Variants in COL6A6 observed in about 807,000 individuals in gnomAD.
COL6A6 encodes the protein collagen type VI alpha 6 chain, also known as collagen alpha-6(VI) chain.
A neutral mutation model predicts 208.6 loss-of-function variants in COL6A6; 183 were observed. That is an observed-to-expected ratio of 0.88 (90% CI 0.78 to 0.99). The LOEUF (loss-of-function observed/expected upper bound fraction) is 0.99, where lower values mean the gene tolerates loss of function less well. Among genes scored for constraint, COL6A6 ranks in the 50% least tolerant of loss-of-function variants. The pLI is 0.00. For missense variants in COL6A6, 2,816 were observed against 2,815.2 expected (o/e 1.00, Z -0.01); for synonymous variants, 973 against 1,011.8 (o/e 0.96, Z 0.73).
chr3:130,664,514 A>T (rs1472893736), intron 35 of COL6A6, among the ~76,000 whole-genome samples: 1 of 152,238 alleles, frequency 6.6e-6, no homozygotes, highest in Non-Finnish European at 1.5e-5. Flanking sequence ...GGCATGCTTC[A>T]TTGTTATGAA....
chr3:130,543,385 T>C (rs981264986), intron 1 of COL6A6, among the ~76,000 whole-genome samples: 2 of 152,264 alleles, frequency 1.3e-5, no homozygotes, highest in African/African-American at 4.8e-5. Flanking sequence ...TTGTTACTTG[T>C]TTCTATTCGA....
chr3:130,570,116 C>T (rs2063125055), intron 6 of COL6A6, among the ~76,000 whole-genome samples: 1 of 152,216 alleles, frequency 6.6e-6, no homozygotes, highest in Admixed American at 6.5e-5. Flanking sequence ...AGGGAACATG[C>T]TCCACATGGA....
Position 130,643,008 on chromosome 3 carries a change from G to A in COL6A6, c.5212G>A (p.Val1738Met). ...SFSTCELIQY[V>M]RDRSPGRHGK... ...GCAGACATGTGAGCTCATTCAGTAT[G>A]TGCGAGACCGCAGTCGTAAGTACCC... is the stretch of plus-strand genomic sequence containing the variant. The change falls in exon 31 of 37, where the codon GTG (valine) becomes ATG (methionine). Residue 1738 changes from valine (V) to methionine (M), a missense_variant. Val to Met is a conservative substitution (Grantham distance 21). Coordinates refer to ENST00000358511, the MANE Select transcript of COL6A6 (RefSeq NM_001102608.3). The A allele has an allele frequency of 1.2e-6, 2 of 1,613,812 alleles. No homozygotes were observed. Among genetic ancestry groups the A allele is most frequent in the African/African-American group, 2.7e-5 (2 of 75,062 alleles).
At position 130,634,215 on chromosome 3, in the gene COL6A6, AAAT is replaced by A. The variant is rs1559769476; in HGVS notation, c.4993-372_4993-370del. On this transcript the variant is annotated intron_variant, in intron 26 of 36. Coordinates refer to ENST00000358511, the MANE Select transcript of COL6A6 (RefSeq NM_001102608.3). ...GCTATAAAATGTTAAAAAAAAAAATAAATAAATAAATAAATAAATAAATAAATA... is the reference window on the plus strand; with the variant it reads ...GCTATAAAATGTTAAAAAAAAAAATAAAATAAATAAATAAATAAATAAATA... 3.0e-4 allele frequency among the ~76,000 whole-genome samples: 37 copies of A among 122,106 alleles called. No individual in the cohort carries two copies. In the East Asian group the frequency reaches 6.7e-3, roughly 22 times the overall value. The allele number at this position is 122,106 out of a possible 152,430, so 80.1% of individuals were successfully genotyped here.
rs2065852614 is a variant in COL6A6 at position 130,658,411 on chromosome 3, A to G, written c.5734-265A>G. Among the ~76,000 whole-genome samples, 4 of 152,346 alleles carry G rather than the reference A, an allele frequency of 2.6e-5. No homozygotes were observed. The South Asian group carries it at 8.3e-4, about 32-fold the overall frequency. On this transcript the variant is annotated intron_variant, in intron 33 of 36. Coordinates refer to ENST00000358511, the MANE Select transcript of COL6A6 (RefSeq NM_001102608.3). ...CGCTTTACAAATATGAACCCATTTAATGCTCACAGTAGTCCTGTTAGGAGG... is the reference window on the plus strand; with the variant it reads ...CGCTTTACAAATATGAACCCATTTAGTGCTCACAGTAGTCCTGTTAGGAGG...
chr3:130,537,906 C>T (rs1300761666), intron 1 of COL6A6, among the ~76,000 whole-genome samples: 7 of 152,216 alleles, frequency 4.6e-5, no homozygotes, highest in African/African-American at 1.7e-4. Context: ...TCTATTCAGA[C>T]TTAATGGGAT....
intron 17 of COL6A6, among the ~76,000 whole-genome samples, chr3:130,594,023 T>C (rs1273166900): frequency 6.6e-6 from 1 of 152,150 alleles, no homozygotes; most frequent in Non-Finnish European, 1.5e-5. Flanking sequence ...ACCTGGTTCA[T>C]AGAATATTTG....
At chr3:130,652,565 C>G (rs1420872307) in intron 33 of COL6A6, among the ~76,000 whole-genome samples, 1 of 152,190 alleles carries the variant, frequency 6.6e-6, no homozygotes, top group African/African-American at 2.4e-5. Flanking sequence ...AAGGCCCACC[C>G]TGACGCTGGA....
At chr3:130,567,949 T>G in intron 5 of COL6A6, 98 bp from the exon 6 acceptor site, 1 of 792,162 alleles carries the variant, frequency 1.3e-6, no homozygotes, top group African/African-American at 1.7e-5. Flanking sequence ...TAAGTACACA[T>G]GTCAATATAA....
chr3:130,536,782 G>C (rs1559961267), intron 1 of COL6A6, among the ~76,000 whole-genome samples: 1 of 152,262 alleles, frequency 6.6e-6, no homozygotes, highest in Non-Finnish European at 1.5e-5. Flanking sequence ...CATGGAAAGG[G>C]GTTTTGAGTA....
intron 13 of COL6A6, among the ~76,000 whole-genome samples, 169 bp from the exon 14 acceptor site, chr3:130,592,372 A>G (rs527754482): frequency 2.0e-5 from 3 of 152,362 alleles, no homozygotes; most frequent in Admixed American, 6.5e-5. Flanking sequence ...GCTGTCTATC[A>G]TCAGGGTATC....
At position 130,563,325 on chromosome 3, in the gene COL6A6, GGAAA is replaced by G; in HGVS notation, c.324_327del (p.Lys109LeufsTer26). ...ATTCATTGGCGGGTCCCTGCAGATA[GGAAA>G]GGCTCTTCAGGAGGCTCACAGGACT... is the stretch of plus-strand genomic sequence containing the variant. On this transcript the variant is annotated frameshift_variant, in exon 3 of 37. Transcript: ENST00000358511. LOFTEE classifies it high-confidence loss of function. The G allele has an allele frequency of 6.2e-7, 1 of 1,613,968 alleles. No individual in the cohort carries two copies. Among genetic ancestry groups the G allele is most frequent in the African/African-American group, 1.3e-5 (1 of 75,038 alleles).
intron 1 of COL6A6, among the ~76,000 whole-genome samples, chr3:130,529,614 G>A (rs2062037272): frequency 1.3e-5 from 2 of 152,106 alleles, no homozygotes; most frequent in South Asian, 2.1e-4. Flanking sequence ...ACAATCACCT[G>A]TTTAATTTCT....
chr3:130,599,783 C>G lies in COL6A6; in HGVS notation c.4626C>G (p.Pro1542=), dbSNP rs373427238. The G allele has an allele frequency of 6.8e-6, 11 of 1,613,638 alleles. No homozygotes were observed. The South Asian group carries it at 1.1e-4, about 16-fold the overall frequency. ...RQGRRGWPGP[P]GTPGSRRKTA... The stretch of plus-strand genomic sequence containing the variant: ...GCAGAAGAGGCTGGCCAGGCCCCCC[C>G]GGGACACCAGGCTCCAGAAGAAAGA... Residue 1542 remains proline, a synonymous_variant, in exon 20 of 37, where the codon CCC becomes CCG. Coordinates refer to ENST00000358511, the MANE Select transcript of COL6A6 (RefSeq NM_001102608.3).
intron 1 of COL6A6, among the ~76,000 whole-genome samples, chr3:130,527,687 A>T (rs188393925): frequency 6.6e-6 from 1 of 152,306 alleles, no homozygotes; most frequent in East Asian, 1.9e-4. Flanking sequence ...GTAAAATTGG[A>T]TCCTTGCTCT....
intron 33 of COL6A6, among the ~76,000 whole-genome samples, chr3:130,654,723 A>G (rs1239139159): frequency 6.6e-6 from 1 of 152,194 alleles, no homozygotes; most frequent in East Asian, 1.9e-4. Context: ...CTGACTTAGC[A>G]AGATGGGGAA....
chr3:130,591,096 TA>T lies in COL6A6; in HGVS notation c.4272+4del. 1 of 1,578,346 alleles carries T rather than the reference TA, an allele frequency of 6.3e-7. No individual in the cohort carries two copies. Among genetic ancestry groups the T allele is most frequent in the Non-Finnish European group, 8.6e-7 (1 of 1,159,320 alleles). On this transcript the variant is annotated splice_donor_region_variant and intron_variant, in intron 13 of 36. Coordinates refer to ENST00000358511, the MANE Select transcript of COL6A6 (RefSeq NM_001102608.3). Reference sequence around the variant, plus strand: ...TACCTGGGAGAGGAGGGAATCGCTGTAAGTCAGGGCTCTTTTTTACCTCCAT... The same window carrying T: ...TACCTGGGAGAGGAGGGAATCGCTGTAGTCAGGGCTCTTTTTTACCTCCAT...
intron 29 of COL6A6, 34 bp downstream of exon 29, chr3:130,641,748 T>A: frequency 3.1e-6 from 4 of 1,295,824 alleles, no homozygotes; most frequent in Non-Finnish European, 4.4e-6. Flanking sequence ...CAGCAGGTCC[T>A]TTTCCATTAA....
Position 130,658,665 on chromosome 3 carries a change from G to C in COL6A6, c.5734-11G>C, listed in dbSNP as rs375266765. ...CCACTAAGTTCTTTCTGCTGCTTCT[G>C]CTTCTTTTAGATTGACGACACTGGC... On this transcript the variant is annotated splice_polypyrimidine_tract_variant and intron_variant, in intron 33 of 36. Transcript: ENST00000358511. 45 of 1,600,978 alleles carry C rather than the reference G, an allele frequency of 2.8e-5. No homozygotes were observed. In the African/African-American group the frequency reaches 5.1e-4, roughly 18 times the overall value.
Sources: allele counts gnomAD v4.1 joint callset (sites outside exome capture counted in the v4.1 genomes callset), GRCh38; gene constraint gnomAD v4.1.1; transcripts MANE v1.5; gene names NCBI Gene and HGNC (gene_info 2026-07-23, HGNC 2026-07-21).